The following RABGAP1L variants were observed in gnomAD, a reference collection of about 807,000 sequenced individuals.
RABGAP1L encodes the protein rab GTPase-activating protein 1-like.
Under a neutral mutation model 137.7 loss-of-function variants are expected in RABGAP1L, and 63 were observed. That is an observed-to-expected ratio of 0.46 (90% confidence interval 0.37 to 0.56). RABGAP1L has a LOEUF of 0.56. Ranked by LOEUF, RABGAP1L falls within the 20% of genes least tolerant of loss-of-function variation. The pLI is 0.00. For missense variants in RABGAP1L, 1,095 were observed against 1,244.0 expected (o/e 0.88, Z 1.80); for synonymous variants, 431 against 433.7 (o/e 0.99, Z 0.08).
At chr1:174,642,537 C>T (rs1674610964) in intron 14 of RABGAP1L, among the ~76,000 whole-genome samples, 1 of 152,078 alleles carries the variant, frequency 6.6e-6, no homozygotes, top group Admixed American at 6.6e-5. Context: ...ATTTTCAATA[C>T]AATTTTCTAG....
At chr1:174,845,053 T>G (rs1289274269) in intron 19 of RABGAP1L, among the ~76,000 whole-genome samples, 2 of 148,908 alleles carry the variant, frequency 1.3e-5, no homozygotes, top group African/African-American at 2.5e-5. Context: ...TAAGAATGCT[T>G]GTGATTTTTG....
At chr1:174,844,199 C>G (rs1346627445) in intron 19 of RABGAP1L, among the ~76,000 whole-genome samples, 1 of 125,506 alleles carries the variant, frequency 8.0e-6, no homozygotes, top group East Asian at 2.5e-4. Context: ...ATGGTAGTTT[C>G]TTTTGCTGTG....
chr1:174,206,950 T>G (rs963953996), intron 1 of RABGAP1L, among the ~76,000 whole-genome samples: 2 of 152,082 alleles, frequency 1.3e-5, no homozygotes, highest in Non-Finnish European at 2.9e-5. Context: ...GGGGGAGAAG[T>G]GTGTCTTTAA....
chr1:174,318,302 C>T (rs1679589015), intron 11 of RABGAP1L, among the ~76,000 whole-genome samples: 1 of 152,118 alleles, frequency 6.6e-6, no homozygotes, highest in Non-Finnish European at 1.5e-5. Context: ...AATAGCTACT[C>T]CTGCTCTGCT....
chr1:174,834,701 A>G (rs1173519626), intron 19 of RABGAP1L, among the ~76,000 whole-genome samples: 2 of 150,282 alleles, frequency 1.3e-5, no homozygotes, highest in African/African-American at 2.5e-5. Context: ...TGGGAGTCAT[A>G]TATATCAATT....
intron 13 of RABGAP1L, among the ~76,000 whole-genome samples, chr1:174,635,594 A>G (rs1673944606): frequency 6.6e-6 from 1 of 152,186 alleles, no homozygotes; most frequent in Non-Finnish European, 1.5e-5. Flanking sequence ...CTTGGCAAAT[A>G]TAAATTTTCT....
chr1:174,648,672 T>C (rs1344036472), intron 14 of RABGAP1L, among the ~76,000 whole-genome samples: 2 of 152,140 alleles, frequency 1.3e-5, no homozygotes, highest in Non-Finnish European at 2.9e-5. Context: ...AAAATGTATA[T>C]TCTGTTGATT....
At chr1:174,620,604 G>A (rs145571834) in intron 13 of RABGAP1L, among the ~76,000 whole-genome samples, 3,527 of 151,936 alleles carry the variant, frequency 0.023, 62 homozygotes, top group Middle Eastern at 0.089. Context: ...AAGACACAAC[G>A]TACCAGAATC....
chr1:174,199,868 T>C (rs1447131733), intron 1 of RABGAP1L, among the ~76,000 whole-genome samples: 1 of 152,178 alleles, frequency 6.6e-6, no homozygotes, highest in Non-Finnish European at 1.5e-5. Flanking sequence ...GAAAAATCCA[T>C]GAAGGAAGTA....
intron 10 of RABGAP1L, among the ~76,000 whole-genome samples, chr1:174,294,930 T>G (rs541512831): frequency 2.6e-5 from 4 of 152,016 alleles, no homozygotes; most frequent in African/African-American, 9.7e-5. Flanking sequence ...ATTTTTTTTT[T>G]TTTCTTGAGA....
At position 174,877,713 on chromosome 1, in the gene RABGAP1L, T is replaced by A; in HGVS notation, c.2340+65753T>A. The A allele has an allele frequency of 4.5e-6, 5 of 1,109,442 alleles. No homozygotes were observed. The South Asian group carries it at 7.0e-5, about 16-fold the overall frequency. 68.7% of individuals were successfully genotyped at this position (1,109,442 alleles called of 1,614,324 possible). ...AACTTGCTGTTGGCTTTGTGTTATG[T>A]CTACAGGTTTTCAAAGATTTATTTA... On this transcript the variant is annotated intron_variant, in intron 19 of 25. Coordinates refer to ENST00000681986, the MANE Select transcript of RABGAP1L (RefSeq NM_001366446.1).
chr1:174,607,479 C>T (rs927714373), intron 13 of RABGAP1L, among the ~76,000 whole-genome samples: 3 of 152,134 alleles, frequency 2.0e-5, no homozygotes, highest in Non-Finnish European at 4.4e-5. Context: ...AGACATTCCT[C>T]TGGTGGCAAA....
intron 7 of RABGAP1L, among the ~76,000 whole-genome samples, chr1:174,270,865 C>G (rs903910884): frequency 6.6e-6 from 1 of 151,988 alleles, no homozygotes; most frequent in African/African-American, 2.4e-5. Context: ...CAAGCTGAAG[C>G]AAAGTATGTA....
At chr1:174,222,300 G>C (rs1048151756) in intron 3 of RABGAP1L, among the ~76,000 whole-genome samples, 4 of 152,146 alleles carry the variant, frequency 2.6e-5, no homozygotes, top group African/African-American at 9.7e-5. Flanking sequence ...ATCCTAATTG[G>C]CTTAGGAAAC....
In RABGAP1L at chr1:174,668,242, C is replaced by CCAA. The variant is rs543196573; in HGVS notation, c.1825-15277_1825-15275dup. 1.3e-4 allele frequency among the ~76,000 whole-genome samples: 20 copies of CCAA among 152,234 alleles called. No individual in the cohort carries two copies. The East Asian group carries it at 3.9e-3, about 29-fold the overall frequency. ...CTAACTATAATTATGTATCCTTTGA[C>CCAA]CAACATCTCAGCACTCCCTTCCTCC... On this transcript the variant is annotated intron_variant, in intron 14 of 25. Coordinates refer to ENST00000681986, the MANE Select transcript of RABGAP1L (RefSeq NM_001366446.1).
At chr1:174,898,608 T>A (rs550139375) in intron 19 of RABGAP1L, among the ~76,000 whole-genome samples, 2 of 152,238 alleles carry the variant, frequency 1.3e-5, no homozygotes, top group South Asian at 4.1e-4. Flanking sequence ...TACTTTCTTT[T>A]AACTATTTGG....
rs531777680 is a variant in RABGAP1L at position 174,623,825 on chromosome 1, C to T, written c.1711-13550C>T. On this transcript the variant is annotated intron_variant, in intron 13 of 25. Transcript: ENST00000681986. ...AGGCCCCCATGCCTTGGACCCCCCT[C>T]ATCAGGCATGATGTTCCATGGGCTA... Among the ~76,000 whole-genome samples, 21 of 152,310 alleles carry T rather than the reference C, an allele frequency of 1.4e-4. No individual in the cohort carries two copies. The South Asian group carries it at 4.3e-3, about 32-fold the overall frequency.
intron 20 of RABGAP1L, among the ~76,000 whole-genome samples, chr1:174,961,235 G>A (rs1255753521): frequency 6.6e-6 from 1 of 152,178 alleles, no homozygotes; most frequent in Non-Finnish European, 1.5e-5. Flanking sequence ...ATAAAGATTT[G>A]ACTGTAGAAT....
chr1:174,305,804 T>C (rs914942299), intron 11 of RABGAP1L, among the ~76,000 whole-genome samples: 8 of 152,168 alleles, frequency 5.3e-5, no homozygotes, highest in South Asian at 2.1e-4. Context: ...CTAGGGTACA[T>C]GTGCACAACG....
Sources: allele counts gnomAD v4.1 joint callset (sites outside exome capture counted in the v4.1 genomes callset), GRCh38; gene constraint gnomAD v4.1.1; transcripts MANE v1.5; gene names NCBI Gene and HGNC (gene_info 2026-07-23, HGNC 2026-07-21).